ATRX: variants seen among roughly 807,000 people sequenced by gnomAD.
ATRX encodes ATRX chromatin remodeler, also known as chromatin remodeler ATRX.
ATRX carries 12 observed loss-of-function variants against 172.6 expected under a neutral mutation model. That is an observed-to-expected ratio of 0.07 (90% CI 0.04 to 0.11). The LOEUF (loss-of-function observed/expected upper bound fraction) is 0.11, where lower values mean the gene tolerates loss of function less well. Among genes scored for constraint, ATRX ranks in the 10% least tolerant of loss-of-function variants. The pLI, the probability that ATRX is intolerant of heterozygous loss-of-function variation, is 1.00. For synonymous variants in ATRX, 674 were observed against 594.7 expected (o/e 1.13, Z -1.94); for missense variants, 1,368 against 1,767.4 (o/e 0.77, Z 4.05).
intron 22 of ATRX, among the ~76,000 whole-genome samples, chrX:77,611,042 A>G (rs1321870537): frequency 9.1e-6 from 1 of 110,363 alleles, no homozygotes; most frequent in African/African-American, 3.3e-5. Context: ...TCACACATAC[A>G]TTTTAAAAAC....
Position 77,656,116 on chromosome X carries a change from T to C in ATRX, c.4214+444A>G, listed in dbSNP as rs563380423. On this transcript the variant is annotated intron_variant, in intron 13 of 34. Coordinates refer to ENST00000373344, the MANE Select transcript of ATRX (RefSeq NM_000489.6). ...CTTACTATTTGCCAGGTAGGTACTA[T>C]TATAAACCTTGTACACGTATTGTCT... 6.3e-5 allele frequency among the ~76,000 whole-genome samples: 7 copies of C among 111,859 alleles called. No homozygotes were observed. In the South Asian group the frequency reaches 2.6e-3, roughly 42 times the overall value.
chrX:77,563,409 A>ATT (rs1349257721), intron 28 of ATRX, among the ~76,000 whole-genome samples: 4 of 112,237 alleles, frequency 3.6e-5, no homozygotes, highest in Middle Eastern at 9.3e-3. Flanking sequence ...TTTCTCTGAT[A>ATT]ATTAATAAGG....
At chrX:77,630,222 T>C (rs1417129697) in intron 19 of ATRX, among the ~76,000 whole-genome samples, 1 of 112,221 alleles carries the variant, frequency 8.9e-6, no homozygotes, top group Non-Finnish European at 1.9e-5. Context: ...AAATCAAATT[T>C]CATTATTAAA....
rs2147748110 is a variant in ATRX at position 77,522,278 on chromosome X, A to G, written c.6960T>C (p.Ser2320=). ...CACAACTCACCTCCAGCTGTTGATT[A>G]CTCATTGCTGACAGGGCTCCCAAAT... is the stretch of plus-strand genomic sequence containing the variant. The part of the protein sequence containing the change: ...PFNLGALSAM[S]NQQLEDLINQ... The change falls in exon 32 of 35, where the codon AGT becomes AGC. Residue 2320 remains serine, a synonymous_variant. Transcript: ENST00000373344. 8.3e-7 allele frequency: 1 copy of G among 1,210,960 alleles called. No individual in the cohort carries two copies. Among genetic ancestry groups the G allele is most frequent in the Admixed American group, 2.2e-5 (1 of 45,987 alleles).
chrX:77,778,936 T>A (rs1281727199), intron 1 of ATRX, among the ~76,000 whole-genome samples: 1 of 108,268 alleles, frequency 9.2e-6, no homozygotes, highest in East Asian at 2.9e-4. Flanking sequence ...CTCTCTTTTT[T>A]CTTTTTTTTG....
At chrX:77,584,602 A>T (rs183068994) in intron 27 of ATRX, among the ~76,000 whole-genome samples, 84 of 111,697 alleles carry the variant, frequency 7.5e-4, no homozygotes, top group African/African-American at 1.5e-3. Context: ...CTGGATATAC[A>T]TATTCAGGAG....
chrX:77,587,582 C>T (rs1409847365), intron 27 of ATRX, among the ~76,000 whole-genome samples: 1 of 111,784 alleles, frequency 8.9e-6, no homozygotes, highest in Non-Finnish European at 1.9e-5. Flanking sequence ...GCCACTTTCA[C>T]TCAACATTGT....
chrX:77,783,863 T>C (rs1423080987), intron 1 of ATRX, among the ~76,000 whole-genome samples: 1 of 111,934 alleles, frequency 8.9e-6, no homozygotes, highest in Non-Finnish European at 1.9e-5. Flanking sequence ...TACATGCATA[T>C]ATGCAGTTCT....
rs199617696 is a variant in ATRX, at chrX:77,553,442, C to T, written c.6699+4009G>A. On this transcript the variant is annotated intron_variant, in intron 30 of 34. Transcript: ENST00000373344. ...ATTTTTTTCTAAAATGAAAATGTGA[C>T]GGTAGTCTCTTGCTTAAAATTGTTA... Among the ~76,000 whole-genome samples the T allele has an allele frequency of 7.2e-5, 8 of 111,496 alleles. No individual in the cohort carries two copies. In the East Asian group the frequency reaches 2.0e-3, roughly 27 times the overall value.
intron 1 of ATRX, among the ~76,000 whole-genome samples, chrX:77,719,812 T>A (rs2073650021): frequency 9.0e-6 from 1 of 111,395 alleles, no homozygotes; most frequent in South Asian, 3.7e-4. Flanking sequence ...ACACTTGAAC[T>A]CAGCTCTGGA....
intron 15 of ATRX, among the ~76,000 whole-genome samples, chrX:77,640,069 T>C (rs1308186971): frequency 7.2e-5 from 8 of 111,685 alleles, no homozygotes; most frequent in African/African-American, 2.6e-4. Flanking sequence ...CTAAGCAAAT[T>C]CACATAGGAA....
chrX:77,516,343 C>T (rs2063053335), intron 34 of ATRX, among the ~76,000 whole-genome samples: 1 of 111,518 alleles, frequency 9.0e-6, no homozygotes, highest in South Asian at 3.7e-4. Context: ...GTAAGAAATA[C>T]ATTGTACCTA....
intron 12 of ATRX, among the ~76,000 whole-genome samples, chrX:77,662,989 C>T (rs1557123717): frequency 1.7e-4 from 19 of 112,306 alleles, no homozygotes; most frequent in Non-Finnish European, 1.9e-5. Context: ...GCCACCGTGC[C>T]TGGCCATACA....
chrX:77,754,408 T>C (rs1366559290), intron 1 of ATRX, among the ~76,000 whole-genome samples: 2 of 111,862 alleles, frequency 1.8e-5, no homozygotes, highest in African/African-American at 6.5e-5. Flanking sequence ...TTCTGACCGT[T>C]AGTTGATGCA....
chrX:77,554,236 C>T (rs1484257427), intron 30 of ATRX, among the ~76,000 whole-genome samples: 3 of 110,770 alleles, frequency 2.7e-5, no homozygotes, highest in African/African-American at 6.6e-5. Context: ...ACCCAGGAGG[C>T]GGAGGCTGCA....
At chrX:77,660,910 C>A (rs2069854165) in intron 12 of ATRX, among the ~76,000 whole-genome samples, 1 of 111,932 alleles carries the variant, frequency 8.9e-6, no homozygotes, top group South Asian at 3.7e-4. Flanking sequence ...TTTTCCCTTT[C>A]ATACCAATTA....
chrX:77,683,829 T>C lies in ATRX; in HGVS notation c.1427A>G (p.Gln476Arg). Residue 476 changes from glutamine (Q) to arginine (R), a missense_variant, in exon 9 of 35, where the codon CAG becomes CGG. This residue lies in a region of ATRX where 843 missense variants were observed against 643.1 expected (regional missense o/e 1.31). Transcript: ENST00000373344. Reference sequence around the variant, plus strand: ...TCTTTGTTCCTCTGTTGGAACATTCTGATGCATGTGCTCACTATCTACCTG... The same window carrying C: ...TCTTTGTTCCTCTGTTGGAACATTCCGATGCATGTGCTCACTATCTACCTG... Reference protein sequence around the residue: ...RKQVDSEHMHQNVPTEEQRTN... With the variant: ...RKQVDSEHMHRNVPTEEQRTN... The C allele has an allele frequency of 8.3e-7, 1 of 1,210,159 alleles. No homozygotes were observed. The highest frequency in any genetic ancestry group is 1.8e-5 in the South Asian group (1 of 56,971).
rs1451312112 is a variant in ATRX, at chrX:77,679,163, A to G, written c.3736+2357T>C. Among the ~76,000 whole-genome samples the G allele has an allele frequency of 3.6e-5, 4 of 111,149 alleles. No homozygotes were observed. In the East Asian group the frequency reaches 1.1e-3, roughly 31 times the overall value. On this transcript the variant is annotated intron_variant, in intron 9 of 34. Coordinates refer to ENST00000373344, the MANE Select transcript of ATRX (RefSeq NM_000489.6). ...CAGCGCTTATTTTCAAGGCACTCAT[A>G]TTCTATTCTACTTGTTTCTATTGAC...
intron 19 of ATRX, among the ~76,000 whole-genome samples, chrX:77,624,642 C>CATAA (rs1248490206): frequency 4.5e-5 from 5 of 111,032 alleles, no homozygotes; most frequent in East Asian, 5.6e-4. Flanking sequence ...TAAATAAATA[C>CATAA]ATAAATAAAT....
Sources: allele counts gnomAD v4.1 joint callset (sites outside exome capture counted in the v4.1 genomes callset), GRCh38; gene constraint gnomAD v4.1.1; regional missense constraint gnomAD v4.1.1; transcripts MANE v1.5; gene names NCBI Gene and HGNC (gene_info 2026-07-23, HGNC 2026-07-21).